SAMMSON: variants seen among roughly 807,000 people sequenced by gnomAD.
SAMMSON encodes the protein survival associated mitochondrial melanoma specific oncogenic non-coding RNA, also known as long intergenic non-protein coding RNA 1212.
intron 3 of SAMMSON, among the ~76,000 whole-genome samples, chr3:70,054,008 G>C (rs577472742): frequency 6.6e-6 from 1 of 152,112 alleles, no homozygotes; most frequent in Admixed American, 6.5e-5. Flanking sequence ...TCTTCCTGCA[G>C]TCTTAAAATT....
chr3:70,373,582 G>C (rs1440929321), intron 9 of SAMMSON, among the ~76,000 whole-genome samples: 2 of 151,990 alleles, frequency 1.3e-5, no homozygotes, highest in South Asian at 2.1e-4. Flanking sequence ...TTCTCTTCTG[G>C]AACTCTGATA....
intron 4 of SAMMSON, among the ~76,000 whole-genome samples, chr3:70,179,366 G>T (rs1373617054): frequency 6.6e-6 from 1 of 152,218 alleles, no homozygotes; most frequent in Non-Finnish European, 1.5e-5. Flanking sequence ...TTGAATGCGT[G>T]TTAGGTGACT....
chr3:70,263,835 C>T (rs1701890202), intron 6 of SAMMSON, among the ~76,000 whole-genome samples: 1 of 152,072 alleles, frequency 6.6e-6, no homozygotes, highest in Non-Finnish European at 1.5e-5. Flanking sequence ...TACTCCTAGG[C>T]AGAAGGTCTG....
chr3:70,195,421 T>C (rs570627077), intron 4 of SAMMSON, among the ~76,000 whole-genome samples: 1 of 152,340 alleles, frequency 6.6e-6, no homozygotes, highest in South Asian at 2.1e-4. Context: ...TGAGAGTGGT[T>C]AAATGCCTTT....
chr3:70,254,127 A>G (rs1185849360), intron 6 of SAMMSON, among the ~76,000 whole-genome samples: 2 of 124,282 alleles, frequency 1.6e-5, no homozygotes, highest in African/African-American at 3.0e-5. Context: ...GTAATTGTAC[A>G]TAACAAAACC....
chr3:70,312,187 T>C (rs1373738611), intron 7 of SAMMSON, among the ~76,000 whole-genome samples: 1 of 152,206 alleles, frequency 6.6e-6, no homozygotes, highest in Admixed American at 6.5e-5. Flanking sequence ...GATATTTCTT[T>C]GCCCAGCAAC....
At chr3:70,312,744 T>G (rs1216049187) in intron 7 of SAMMSON, 1 of 129,534 alleles carries the variant, frequency 7.7e-6, no homozygotes, top group African/African-American at 2.9e-5. Flanking sequence ...GTTTTTTTTG[T>G]GTTTTTTTTT....
At chr3:70,085,838 T>C (rs1051402472) in intron 4 of SAMMSON, among the ~76,000 whole-genome samples, 3 of 152,142 alleles carry the variant, frequency 2.0e-5, no homozygotes, top group African/African-American at 4.8e-5. Context: ...CACAGAGCAA[T>C]AGAACAAGTT....
At position 70,001,453 on chromosome 3, in the gene SAMMSON, G is replaced by GTTT. The variant is rs200222434; in HGVS notation, n.22+1599_22+1601dup. Among the ~76,000 whole-genome samples, 14 of 128,824 alleles carry GTTT rather than the reference G, an allele frequency of 1.1e-4. 1 individual carries two copies. The highest frequency in any genetic ancestry group is 3.4e-4 in the African/African-American group (12 of 35,470). 84.5% of individuals were successfully genotyped at this position (128,824 alleles called of 152,430 possible). ...ATACAATGTTAAGGTTGTTTCTAGT[G>GTTT]TTTTTTTTTTTTTTTAAGAATATGT... On this transcript the variant is annotated intron_variant and non_coding_transcript_variant, in intron 1 of 9. Transcript: ENST00000642114.
chr3:70,152,930 A>G (rs1019917484), intron 4 of SAMMSON, among the ~76,000 whole-genome samples: 1 of 152,044 alleles, frequency 6.6e-6, no homozygotes, highest in African/African-American at 2.4e-5. Context: ...CTAGCAGAAA[A>G]TGTTAAAATT....
chr3:70,134,780 G>A (rs73108033), intron 4 of SAMMSON, among the ~76,000 whole-genome samples: 43,031 of 151,440 alleles, frequency 0.28, 6,435 homozygotes, highest in East Asian at 0.52. Context: ...TTATTTTCTT[G>A]GGATACAGGC....
intron 6 of SAMMSON, among the ~76,000 whole-genome samples, chr3:70,280,007 C>A (rs552827821): frequency 4.6e-5 from 7 of 152,268 alleles, no homozygotes; most frequent in African/African-American, 1.7e-4. Context: ...AAAACTCTCC[C>A]AGTTCTTGAG....
At chr3:70,272,744 T>C (rs1701986702) in intron 6 of SAMMSON, among the ~76,000 whole-genome samples, 1 of 152,220 alleles carries the variant, frequency 6.6e-6, no homozygotes, top group Non-Finnish European at 1.5e-5. Context: ...AACATTATTA[T>C]CCTTCCTCTA....
chr3:70,266,015 C>G (rs1206956850), intron 6 of SAMMSON, among the ~76,000 whole-genome samples: 1 of 152,118 alleles, frequency 6.6e-6, no homozygotes, highest in Non-Finnish European at 1.5e-5. Context: ...GACACAAAGC[C>G]TAATCATATC....
chr3:70,047,153 A>T (rs916516921), intron 3 of SAMMSON, among the ~76,000 whole-genome samples: 8 of 152,132 alleles, frequency 5.3e-5, no homozygotes, highest in African/African-American at 1.7e-4. Context: ...TTTTTAGTTG[A>T]TGCCTCTTTT....
At chr3:70,131,961 T>C (rs755058420) in intron 4 of SAMMSON, among the ~76,000 whole-genome samples, 2 of 151,946 alleles carry the variant, frequency 1.3e-5, no homozygotes, top group Non-Finnish European at 2.9e-5. Flanking sequence ...TATTGAGAAA[T>C]AAAAATAAAA....
chr3:70,316,871 C>G (rs2106714381), intron 7 of SAMMSON, among the ~76,000 whole-genome samples: 2 of 152,118 alleles, frequency 1.3e-5, no homozygotes, highest in Admixed American at 1.3e-4. Flanking sequence ...CATGCCAGGT[C>G]ATTAAAAAGG....
chr3:70,057,697 A>G (rs1407840842), intron 3 of SAMMSON, among the ~76,000 whole-genome samples: 1 of 151,754 alleles, frequency 6.6e-6, no homozygotes, highest in Non-Finnish European at 1.5e-5. Context: ...TCCACTCTAC[A>G]ATCATGCTAT....
chr3:70,024,561 C>T (rs2067029753), intron 3 of SAMMSON, among the ~76,000 whole-genome samples: 1 of 152,180 alleles, frequency 6.6e-6, no homozygotes, highest in African/African-American at 2.4e-5. Context: ...GAGACCCCTC[C>T]CAGCCACCAT....
Sources: gnomAD v4.1 joint callset for allele counts (sites outside exome capture counted in the v4.1 genomes callset) on GRCh38, gnomAD v4.1.1 for gene constraint, MANE v1.5 for transcripts, NCBI Gene and HGNC (gene_info 2026-07-23, HGNC 2026-07-21) for gene names.